Variants in ARHGAP40 observed in about 807,000 individuals in gnomAD.
ARHGAP40 encodes the protein Rho GTPase activating protein 40, also known as rho GTPase-activating protein 40.
In ARHGAP40, 43 loss-of-function variants were observed where a neutral mutation model predicts 73.5. The ratio of observed to expected loss-of-function variants is 0.58; its 90% CI spans 0.46 to 0.75. The LOEUF is 0.75. ARHGAP40 is among the 30% of genes least tolerant of loss of function. The pLI is 0.00. For synonymous variants in ARHGAP40, 300 were observed against 352.8 expected, an observed-to-expected ratio of 0.85 and a Z score of 1.68; for missense variants, 734 against 861.8, an observed-to-expected ratio of 0.85 and a Z score of 1.86.
intron 3 of ARHGAP40, among the ~76,000 whole-genome samples, chr20:38,627,934 A>G (rs2088912849): frequency 6.6e-6 from 1 of 152,200 alleles, no homozygotes; most frequent in African/African-American, 2.4e-5. Flanking sequence ...GGTTTCACTC[A>G]GGAAAGAATT....
At chr20:38,615,273 T>A in intron 1 of ARHGAP40, 1 of 769,574 alleles carries the variant, frequency 1.3e-6, no homozygotes, top group Non-Finnish European at 2.4e-6. Flanking sequence ...AACTTTTCTA[T>A]GTTCATCCAC....
intron 6 of ARHGAP40, among the ~76,000 whole-genome samples, chr20:38,636,661 T>C (rs1445291656): frequency 6.6e-6 from 1 of 152,252 alleles, no homozygotes; most frequent in Non-Finnish European, 1.5e-5. Flanking sequence ...GATGCCCATG[T>C]CTTTCCTATT....
At chr20:38,624,801 T>C (rs774660541) in intron 2 of ARHGAP40, among the ~76,000 whole-genome samples, 2 of 152,230 alleles carry the variant, frequency 1.3e-5, no homozygotes, top group African/African-American at 4.8e-5. Flanking sequence ...CATCACTCTC[T>C]AGCCCCTGCC....
At chr20:38,624,568 A>T (rs1030244388) in intron 2 of ARHGAP40, among the ~76,000 whole-genome samples, 25 of 152,058 alleles carry the variant, frequency 1.6e-4, no homozygotes, top group Non-Finnish European at 3.5e-4. Flanking sequence ...TCCCACCCTG[A>T]CTGGCTGTCA....
In ARHGAP40 at chr20:38,646,742, G is replaced by C. The variant is rs546419626; in HGVS notation, c.1711-215G>C. Among the ~76,000 whole-genome samples the C allele has an allele frequency of 6.6e-6, 1 of 152,154 alleles. No individual in the cohort carries two copies. The highest frequency in any genetic ancestry group is 1.5e-5 in the Non-Finnish European group (1 of 68,022). On this transcript the variant is annotated intron_variant, in intron 12 of 14. Coordinates refer to ENST00000373345, the Ensembl canonical transcript of ARHGAP40. This position sits in a 1 kb window ranked among gnomAD's most constrained non-coding sequence, Gnocchi z 4.5. ...GTACAAGTGCACCGACACAGGCATA[G>C]AAACACAAACATAGGCATAGAAACA...
At chr20:38,640,151 CTCTTCTT>C (rs1296048302) in intron 9 of ARHGAP40, among the ~76,000 whole-genome samples, 4 of 136,766 alleles carry the variant, frequency 2.9e-5, no homozygotes, top group Admixed American at 2.8e-4. Context: ...TTTCTTCTTC[CTCTTCTT>C]TCTTCTTTCT....
intron 3 of ARHGAP40, 109 bp downstream of exon 3, chr20:38,627,324 ATG>A (rs1601141468): frequency 3.1e-6 from 3 of 978,962 alleles, no homozygotes; most frequent in East Asian, 6.2e-5. Flanking sequence ...TGGTGTGTGT[ATG>A]TGTGTGTTGG....
intron 1 of ARHGAP40, among the ~76,000 whole-genome samples, chr20:38,612,908 A>G (rs1347715453): frequency 6.6e-6 from 1 of 152,212 alleles, no homozygotes. Context: ...AGGAAGGATC[A>G]GGGAAAGCCT....
chr20:38,624,171 A>G (rs186301181), intron 2 of ARHGAP40, among the ~76,000 whole-genome samples: 1 of 152,284 alleles, frequency 6.6e-6, no homozygotes, highest in East Asian at 1.9e-4. Context: ...GACTCATCTC[A>G]AAAGATTTCT....
chr20:38,628,601 G>A (rs1162782858), intron 3 of ARHGAP40, among the ~76,000 whole-genome samples: 1 of 152,214 alleles, frequency 6.6e-6, no homozygotes, highest in African/African-American at 2.4e-5. Flanking sequence ...ACCACGCCCG[G>A]CTGGCACAAA....
chr20:38,646,264 C>T lies in ARHGAP40; in HGVS notation c.1710+77C>T. 8.3e-7 allele frequency: 1 copy of T among 1,202,436 alleles called. No homozygotes were observed. Among genetic ancestry groups the T allele is most frequent in the Non-Finnish European group, 1.1e-6 (1 of 936,192 alleles). The allele number at this position is 1,202,436 out of a possible 1,614,324, so 74.5% of individuals were successfully genotyped here. On this transcript the variant is annotated intron_variant, in intron 12 of 14. Coordinates refer to ENST00000373345, the Ensembl canonical transcript of ARHGAP40. The surrounding 1 kb of genome is among the most constrained non-coding windows in gnomAD (Gnocchi z 4.5). ...GCACCTGGGGCGCGGTGCTTCCCTT[C>T]CTCCAGGTCCCCGCTACCGGGCTGC... is the stretch of plus-strand genomic sequence containing the variant.
intron 5 of ARHGAP40, 58 bp from the exon 6 acceptor site, chr20:38,634,562 A>C: frequency 6.2e-6 from 8 of 1,295,538 alleles, no homozygotes; most frequent in Non-Finnish European, 8.2e-6. Flanking sequence ...GGGAGCCCCA[A>C]AATACACATC....
intron 1 of ARHGAP40, among the ~76,000 whole-genome samples, chr20:38,612,529 C>G (rs554394497): frequency 3.3e-5 from 5 of 152,174 alleles, no homozygotes; most frequent in Non-Finnish European, 7.4e-5. Context: ...CAAAAATTAG[C>G]TGGGCATGGT....
At position 38,614,973 on chromosome 20, in the gene ARHGAP40, T is replaced by C. The variant is rs2088826245; in HGVS notation, c.138-8386T>C. ...GGAGGTTTGTGCGAGTTTGTACGTGTGGTTGAGCGCTTGTGTGAGGAAAGT... is the reference window on the plus strand; with the variant it reads ...GGAGGTTTGTGCGAGTTTGTACGTGCGGTTGAGCGCTTGTGTGAGGAAAGT... On this transcript the variant is annotated intron_variant, in intron 1 of 14. Coordinates refer to ENST00000373345, the Ensembl canonical transcript of ARHGAP40. The C allele has an allele frequency of 4.0e-6, 5 of 1,237,584 alleles. No homozygotes were observed. In the South Asian group the frequency reaches 6.0e-5, roughly 15 times the overall value. The allele number at this position is 1,237,584 out of a possible 1,614,324, so 76.7% of individuals were successfully genotyped here.
At position 38,643,955 on chromosome 20, in the gene ARHGAP40, G is replaced by T. The variant is rs373192734; in HGVS notation, c.1569+45G>T. On this transcript the variant is annotated intron_variant, in intron 11 of 14. Transcript: ENST00000373345. ...GGGTATCCCTCTGGGTGCAGCTGCCGTGCCGCCCCTGCTCTCCAGGAGCCT... is the reference window on the plus strand; with the variant it reads ...GGGTATCCCTCTGGGTGCAGCTGCCTTGCCGCCCCTGCTCTCCAGGAGCCT... 3 of 1,248,284 alleles carry T rather than the reference G, an allele frequency of 2.4e-6. No homozygotes were observed. The African/African-American group carries it at 4.6e-5, about 19-fold the overall frequency. 77.3% of individuals were successfully genotyped at this position (1,248,284 alleles called of 1,614,324 possible). A position where few individuals can be genotyped will look rare whatever the true frequency, so the allele number is the denominator to read the frequency against.
rs544830296 is a variant in ARHGAP40 at position 38,628,485 on chromosome 20, T to C, written c.559-442T>C. On this transcript the variant is annotated intron_variant, in intron 3 of 14. Transcript: ENST00000373345. ...ATGCCCGGCTAATTTTTTGTATTTTTAGTAGAGACGGGGTTTCACTGTGTT... is the reference window on the plus strand; with the variant it reads ...ATGCCCGGCTAATTTTTTGTATTTTCAGTAGAGACGGGGTTTCACTGTGTT... Among the ~76,000 whole-genome samples, 8 of 152,252 alleles carry C rather than the reference T, an allele frequency of 5.3e-5. No homozygotes were observed. In the East Asian group the frequency reaches 1.5e-3, roughly 29 times the overall value.
chr20:38,628,644 A>T (rs1220188952), intron 3 of ARHGAP40, among the ~76,000 whole-genome samples: 1 of 152,146 alleles, frequency 6.6e-6, no homozygotes, highest in Non-Finnish European at 1.5e-5. Flanking sequence ...TATCCTGCTG[A>T]CACTTGAAGC....
chr20:38,626,698 A>G (rs988055983), intron 2 of ARHGAP40, among the ~76,000 whole-genome samples: 3 of 152,210 alleles, frequency 2.0e-5, no homozygotes, highest in African/African-American at 7.2e-5. Context: ...AGTGGGTCCA[A>G]AATCTGAACA....
exon 7 of ARHGAP40, chr20:38,637,781 C>T (rs1282784092): frequency 7.7e-7 from 1 of 1,305,126 alleles, no homozygotes; most frequent in African/African-American, 1.5e-5. Context: ...GCACACAGGT[C>T]CCGCTGGTCC....
Sources: allele counts gnomAD v4.1 joint callset (sites outside exome capture counted in the v4.1 genomes callset), GRCh38; gene constraint gnomAD v4.1.1; non-coding constraint Gnocchi (gnomAD v3.1); transcripts MANE v1.5; gene names NCBI Gene and HGNC (gene_info 2026-07-23, HGNC 2026-07-21).